The following TRIM37 variants were observed in gnomAD, a reference collection of about 807,000 sequenced individuals.
TRIM37 encodes tripartite motif containing 37, also known as E3 ubiquitin-protein ligase TRIM37.
A neutral mutation model predicts 129.8 loss-of-function variants in TRIM37; 80 were observed. The ratio of observed to expected loss-of-function variants is 0.62; its 90% CI spans 0.51 to 0.74. The LOEUF is 0.74. Ranked by LOEUF, TRIM37 falls within the 30% of genes least tolerant of loss-of-function variation. The pLI is 0.00. For missense variants in TRIM37, 1,054 were observed against 1,176.5 expected (o/e 0.90, Z 1.52); for synonymous variants, 389 against 387.1 (o/e 1.00, Z -0.06).
intron 17 of TRIM37, among the ~76,000 whole-genome samples, chr17:59,035,799 G>A (rs2038406984): frequency 6.6e-6 from 1 of 151,926 alleles, no homozygotes; most frequent in Admixed American, 6.6e-5. Flanking sequence ...CCATGCTTCT[G>A]AAGTTCACAT....
intron 2 of TRIM37, among the ~76,000 whole-genome samples, chr17:59,099,245 A>C (rs2045224677): frequency 6.6e-6 from 1 of 152,124 alleles, no homozygotes; most frequent in Admixed American, 6.6e-5. Flanking sequence ...GTGTCACATA[A>C]AGATGTTTCG....
chr17:59,009,070 GAC>G (rs1277345987), intron 22 of TRIM37, among the ~76,000 whole-genome samples: 2 of 152,138 alleles, frequency 1.3e-5, no homozygotes, highest in Non-Finnish European at 2.9e-5. Context: ...AGAGAGAGGC[GAC>G]AGTTAAGAGC....
intron 17 of TRIM37, among the ~76,000 whole-genome samples, chr17:59,037,153 T>C (rs2038612278): frequency 6.6e-6 from 1 of 151,586 alleles, no homozygotes; most frequent in Non-Finnish European, 1.5e-5. Context: ...AAAAAACACA[T>C]AAACCATTCG....
chr17:59,051,972 C>T (rs1049378670), intron 13 of TRIM37, among the ~76,000 whole-genome samples: 7 of 152,056 alleles, frequency 4.6e-5, no homozygotes, highest in Admixed American at 3.3e-4. Context: ...TCCCGTATTT[C>T]CTGCCCCTCA....
intron 1 of TRIM37, 86 bp from the exon 2 acceptor site, chr17:59,104,480 C>A: frequency 8.3e-7 from 1 of 1,200,466 alleles, no homozygotes; most frequent in Non-Finnish European, 1.2e-6. Flanking sequence ...TTGACATTTA[C>A]ATTTATTTTG....
At chr17:59,073,558 G>C (rs1268672714) in intron 8 of TRIM37, among the ~76,000 whole-genome samples, 1 of 152,196 alleles carries the variant, frequency 6.6e-6, no homozygotes. Flanking sequence ...TGAAAGTACT[G>C]AGATCACAGG....
intron 17 of TRIM37, among the ~76,000 whole-genome samples, chr17:59,034,509 A>G (rs1967414): frequency 0.68 from 103,687 of 151,602 alleles, 36,320 homozygotes; most frequent in African/African-American, 0.83. Flanking sequence ...ACAGGCATGC[A>G]GCACCATGCC....
chr17:59,100,914 T>C (rs909800717), intron 2 of TRIM37, among the ~76,000 whole-genome samples: 1 of 150,432 alleles, frequency 6.6e-6, no homozygotes, highest in Non-Finnish European at 1.5e-5. Context: ...CCCAGCTACT[T>C]GGGAGGCTGA....
the TRIM37 span, chr17:58,972,897 T>C: frequency 1.9e-6 from 3 of 1,613,058 alleles, no homozygotes; most frequent in Non-Finnish European, 2.5e-6. Context: ...GGAGGGTGAA[T>C]GGAAGTCTGT....
At chr17:59,032,501 C>T (rs1365946433) in intron 17 of TRIM37, among the ~76,000 whole-genome samples, 2 of 134,732 alleles carry the variant, frequency 1.5e-5, no homozygotes, top group African/African-American at 5.5e-5. Flanking sequence ...GTCCGCAGTC[C>T]GGCCTGGGCG....
intron 2 of TRIM37, among the ~76,000 whole-genome samples, chr17:59,098,959 TGGATCACCAG>T (rs909684365): frequency 8.6e-5 from 13 of 151,864 alleles, no homozygotes; most frequent in African/African-American, 3.1e-4. Flanking sequence ...CCAAGGAGGG[TGGATCACCAG>T]GTCAAGAGAT....
intron 8 of TRIM37, among the ~76,000 whole-genome samples, chr17:59,071,211 A>G (rs2042331017): frequency 6.6e-6 from 1 of 152,118 alleles, no homozygotes; most frequent in African/African-American, 2.4e-5. Context: ...TTAAGCAAGT[A>G]CAAATATACT....
chr17:59,030,633 C>T (rs1033601854), intron 18 of TRIM37, among the ~76,000 whole-genome samples: 6 of 152,140 alleles, frequency 3.9e-5, no homozygotes, highest in African/African-American at 1.4e-4. Context: ...ATTTAGTTTG[C>T]ATTTTTCCCA....
rs998412541 is a variant in TRIM37 at position 59,106,703 on chromosome 17, C to T, written c.-242G>A. 7 of 589,704 alleles carry T rather than the reference C, an allele frequency of 1.2e-5. No individual in the cohort carries two copies. The South Asian group carries it at 1.4e-4, about 12-fold the overall frequency. 36.5% of individuals were successfully genotyped at this position (589,704 alleles called of 1,614,324 possible). ...GCAGAAGTAGGGCGAACGGTGGCCG[C>T]AGCTCCTTTCTCCCGGCTCAGCCGC... On this transcript the variant is annotated 5_prime_UTR_variant, in exon 1 of 24. Transcript: ENST00000262294.
intron 9 of TRIM37, among the ~76,000 whole-genome samples, chr17:59,068,536 C>T (rs1337005996): frequency 6.6e-6 from 1 of 152,224 alleles, no homozygotes; most frequent in Non-Finnish European, 1.5e-5. Flanking sequence ...TAGCTGACCA[C>T]AGTATCAATG....
intron 24 of TRIM37, among the ~76,000 whole-genome samples, chr17:58,987,308 T>C (rs1013376812): frequency 1.3e-5 from 2 of 152,136 alleles, no homozygotes; most frequent in African/African-American, 4.8e-5. Context: ...TTAAGCCAAA[T>C]CGAGTTGCTA....
At chr17:59,075,919 A>C (rs767969919) in intron 7 of TRIM37, among the ~76,000 whole-genome samples, 3 of 152,234 alleles carry the variant, frequency 2.0e-5, no homozygotes, top group Non-Finnish European at 4.4e-5. Flanking sequence ...AACCAATTCT[A>C]ATTAGTTTTA....
rs1427789210 is a variant in TRIM37, at chr17:59,050,308, T to C, written c.1314+906A>G. Reference sequence around the variant, plus strand: ...CACTGTTCAAAACAACTTTATGCAATGATGGAAATGCTCTAGATTTGCAGT... The same window carrying C: ...CACTGTTCAAAACAACTTTATGCAACGATGGAAATGCTCTAGATTTGCAGT... On this transcript the variant is annotated intron_variant, in intron 14 of 23. Transcript: ENST00000262294. Among the ~76,000 whole-genome samples, 7 of 152,196 alleles carry C rather than the reference T, an allele frequency of 4.6e-5. No individual in the cohort carries two copies. In the East Asian group the frequency reaches 1.3e-3, roughly 29 times the overall value.
intron 22 of TRIM37, among the ~76,000 whole-genome samples, chr17:59,009,443 C>CT (rs61545184): frequency 0.033 from 3,510 of 107,562 alleles, 75 homozygotes; most frequent in Middle Eastern, 0.059. Context: ...AATTTCTTTT[C>CT]TTTTTTTTTT....
Sources: gnomAD v4.1 joint callset for allele counts (sites outside exome capture counted in the v4.1 genomes callset) on GRCh38, gnomAD v4.1.1 for gene constraint, MANE v1.5 for transcripts, NCBI Gene and HGNC (gene_info 2026-07-23, HGNC 2026-07-21) for gene names.